The following EFCAB11 variants were observed in gnomAD, a reference collection of about 807,000 sequenced individuals.
EFCAB11 encodes the protein EF-hand calcium binding domain 11.
A neutral mutation model predicts 23.0 loss-of-function variants in EFCAB11; 14 were observed. The observed-to-expected ratio is 0.61, with a 90% CI of 0.40 to 0.95. The LOEUF is 0.95. Among genes scored for constraint, EFCAB11 ranks in the 40% least tolerant of loss-of-function variants. The probability of loss-of-function intolerance (pLI) is 0.00; values close to 1 mark genes in which losing one functional copy is unlikely to be tolerated. For synonymous variants in EFCAB11, 65 were observed against 66.6 expected (o/e 0.98, Z 0.11); for missense variants, 198 against 195.8 (o/e 1.01, Z -0.07).
At chr14:89,849,754 T>C (rs961869926) in intron 5 of EFCAB11, among the ~76,000 whole-genome samples, 4 of 152,076 alleles carry the variant, frequency 2.6e-5, no homozygotes, top group Non-Finnish European at 5.9e-5. Context: ...AAACAGGTCA[T>C]ATTTAAGAAC....
intron 5 of EFCAB11, among the ~76,000 whole-genome samples, chr14:89,856,230 C>A (rs1596404267): frequency 7.0e-6 from 1 of 143,552 alleles, no homozygotes; most frequent in Non-Finnish European, 1.5e-5. Context: ...GCTTTGTCAT[C>A]AATGCTGGAG....
At chr14:89,903,807 T>C (rs1889409315) in intron 5 of EFCAB11, among the ~76,000 whole-genome samples, 1 of 152,172 alleles carries the variant, frequency 6.6e-6, no homozygotes, top group African/African-American at 2.4e-5. Flanking sequence ...ATTAAAACTT[T>C]GGTTAAAGAA....
intron 5 of EFCAB11, among the ~76,000 whole-genome samples, chr14:89,837,954 T>C (rs1887139010): frequency 6.6e-6 from 1 of 152,200 alleles, no homozygotes; most frequent in Non-Finnish European, 1.5e-5. Flanking sequence ...AACTAGCTTC[T>C]GAGTCTGCAT....
chr14:89,918,538 C>G (rs1236687487), intron 5 of EFCAB11, among the ~76,000 whole-genome samples: 4 of 101,980 alleles, frequency 3.9e-5, no homozygotes, highest in African/African-American at 3.7e-5. Context: ...GACTCCATCT[C>G]AAAAAAAAAA....
intron 5 of EFCAB11, among the ~76,000 whole-genome samples, chr14:89,884,605 A>C (rs2140179717): frequency 6.6e-6 from 1 of 152,368 alleles, no homozygotes; most frequent in South Asian, 2.1e-4. Flanking sequence ...GGAAAAGAAG[A>C]AATAAAACTA....
chr14:89,907,887 G>A (rs980552149), intron 5 of EFCAB11, among the ~76,000 whole-genome samples: 3 of 152,194 alleles, frequency 2.0e-5, no homozygotes, highest in African/African-American at 7.2e-5. Flanking sequence ...TCAGTAAAAT[G>A]GGAACAATCA....
chr14:89,944,512 A>G (rs1289683140), intron 3 of EFCAB11, among the ~76,000 whole-genome samples: 1 of 152,218 alleles, frequency 6.6e-6, no homozygotes, highest in Non-Finnish European at 1.5e-5. Flanking sequence ...AACTCACTGA[A>G]TATCAGGGAA....
At chr14:89,890,426 G>A (rs8011515) in intron 5 of EFCAB11, among the ~76,000 whole-genome samples, 47,590 of 152,028 alleles carry the variant, frequency 0.31, 11,293 homozygotes, top group African/African-American at 0.66. Context: ...ATGCATTACT[G>A]ATTTTATATA....
chr14:89,954,594 A>G lies in EFCAB11; in HGVS notation c.67T>C (p.Trp23Arg). Residue 23 changes from tryptophan to arginine, a missense_variant, in exon 1 of 6, where the codon TGG becomes CGG. Transcript: ENST00000316738. ...WEASPSEHRK[W>R]VEVFKACDED... ...GCCCTCCGGAAACCTACTTCCACCC[A>G]CTTCCTGTGTTCCGAGGGACTGGCT... 6.2e-7 allele frequency: 1 copy of G among 1,613,770 alleles called. No homozygotes were observed. The highest frequency in any genetic ancestry group is 8.5e-7 in the Non-Finnish European group (1 of 1,179,936).
chr14:89,931,683 T>A (rs1288431704), intron 4 of EFCAB11, 52 bp from the exon 5 acceptor site: 4 of 1,478,096 alleles, frequency 2.7e-6, no homozygotes, highest in Non-Finnish European at 3.8e-6. Flanking sequence ...ACCTATCAAC[T>A]GTTACTTCAG....
chr14:89,898,365 G>A (rs1016627523), intron 5 of EFCAB11, among the ~76,000 whole-genome samples: 16 of 151,756 alleles, frequency 1.1e-4, no homozygotes, highest in African/African-American at 3.9e-4. Context: ...TTTTGTTTTT[G>A]TTTTGTTTTG....
At chr14:89,954,063 T>A (rs1891319232) in intron 1 of EFCAB11, 62 bp from the exon 2 acceptor site, 1 of 1,435,610 alleles carries the variant, frequency 7.0e-7, no homozygotes, top group African/African-American at 1.4e-5. Context: ...ATTACTAGTT[T>A]ATTATACAGT....
intron 5 of EFCAB11, among the ~76,000 whole-genome samples, chr14:89,847,469 G>A (rs1173180590): frequency 5.3e-5 from 8 of 152,114 alleles, no homozygotes; most frequent in African/African-American, 1.7e-4. Context: ...ACTGGGTGCG[G>A]TGGGTCATGC....
intron 5 of EFCAB11, among the ~76,000 whole-genome samples, chr14:89,814,580 T>TGTAATCCCA (rs1886266861): frequency 6.6e-6 from 1 of 151,984 alleles, no homozygotes; most frequent in East Asian, 1.9e-4. Flanking sequence ...GGTGCATGCC[T>TGTAATCCCA]GTAATCCCAG....
intron 5 of EFCAB11, among the ~76,000 whole-genome samples, chr14:89,886,292 T>G (rs1175816378): frequency 6.6e-6 from 1 of 151,924 alleles, no homozygotes; most frequent in Non-Finnish European, 1.5e-5. Context: ...CCAAGGCTGG[T>G]GGATCACGAG....
intron 5 of EFCAB11, among the ~76,000 whole-genome samples, chr14:89,926,512 T>C (rs889296273): frequency 1.3e-5 from 2 of 151,856 alleles, no homozygotes; most frequent in African/African-American, 4.8e-5. Flanking sequence ...GAAAGAAATG[T>C]AAGAGAAAAG....
intron 5 of EFCAB11, among the ~76,000 whole-genome samples, chr14:89,877,129 T>C (rs1888464958): frequency 6.6e-6 from 1 of 152,020 alleles, no homozygotes; most frequent in South Asian, 2.1e-4. Context: ...AACCTCTGCT[T>C]CCTGGGTTCA....
At position 89,951,754 on chromosome 14, in the gene EFCAB11, C is replaced by CA. The variant is rs112997885; in HGVS notation, c.172-1613dup. On this transcript the variant is annotated intron_variant, in intron 2 of 5. Transcript: ENST00000316738. Reference sequence around the variant, plus strand: ...TGAAACCCCATCTCTACTAAAAACACAAAAAAAAAAAAAGAAAAAAAAGAA... The same window carrying CA: ...TGAAACCCCATCTCTACTAAAAACACAAAAAAAAAAAAAAGAAAAAAAAGAA... Among the ~76,000 whole-genome samples, 1,076 of 115,956 alleles carry CA rather than the reference C, an allele frequency of 9.3e-3. 11 individuals carry two copies. Among genetic ancestry groups the CA allele is most frequent in the African/African-American group, 0.026 (863 of 33,262 alleles). The allele number at this position is 115,956 out of a possible 152,430, so 76.1% of individuals were successfully genotyped here.
intron 3 of EFCAB11, among the ~76,000 whole-genome samples, chr14:89,942,419 T>C (rs1890824097): frequency 6.6e-6 from 1 of 152,166 alleles, no homozygotes; most frequent in South Asian, 2.1e-4. Flanking sequence ...TCTATATCAT[T>C]TTGTGATTCT....
Sources: gnomAD v4.1 joint callset for allele counts (sites outside exome capture counted in the v4.1 genomes callset) on GRCh38, gnomAD v4.1.1 for gene constraint, MANE v1.5 for transcripts, NCBI Gene and HGNC (gene_info 2026-07-23, HGNC 2026-07-21) for gene names.